The following RP1 variants were observed in gnomAD, a reference collection of about 807,000 sequenced individuals.
RP1 encodes oxygen-regulated protein 1.
Under a neutral mutation model 14.8 loss-of-function variants are expected in RP1, and 16 were observed. That is an observed-to-expected ratio of 1.08 (90% CI 0.73 to 1.65). RP1 has a LOEUF of 1.65. Among genes scored for constraint, RP1 ranks in the 40% most tolerant of loss-of-function variants. RP1 has a pLI of 0.00. For missense variants in RP1, 2,631 were observed against 2,535.0 expected (o/e 1.04, Z -0.81); for synonymous variants, 876 against 883.6 (o/e 0.99, Z 0.15).
chr8:54,681,111 T>G (rs1488099085), intron 12 of RP1, among the ~76,000 whole-genome samples: 1 of 152,198 alleles, frequency 6.6e-6, no homozygotes, highest in Non-Finnish European at 1.5e-5. Context: ...TCAGTCAAAG[T>G]GGCCCTTCAT....
intron 25 of RP1, among the ~76,000 whole-genome samples, chr8:54,849,793 G>A (rs562943858): frequency 6.6e-6 from 1 of 152,290 alleles, no homozygotes; most frequent in Admixed American, 6.5e-5. Context: ...AACATGCTGA[G>A]CTTTGATAAT....
intron 24 of RP1, among the ~76,000 whole-genome samples, chr8:54,806,961 A>G (rs1227046702): frequency 6.6e-6 from 1 of 152,258 alleles, no homozygotes; most frequent in Non-Finnish European, 1.5e-5. Context: ...CCAAAAAATT[A>G]GATTTCTAAA....
intron 1 of RP1, among the ~76,000 whole-genome samples, chr8:54,581,468 G>A (rs1428906284): frequency 2.6e-5 from 4 of 152,156 alleles, no homozygotes; most frequent in Non-Finnish European, 5.9e-5. Context: ...ATAAACATAC[G>A]TGTGCATGTG....
At position 54,666,745 on chromosome 8, in the gene RP1, T is replaced by G. The variant is rs1285925250; in HGVS notation, c.1323+2895T>G. 3.3e-5 allele frequency among the ~76,000 whole-genome samples: 5 copies of G among 151,812 alleles called. No individual in the cohort carries two copies. The East Asian group carries it at 9.7e-4, about 29-fold the overall frequency. On this transcript the variant is annotated intron_variant, in intron 7 of 22. Coordinates refer to the RP1 transcript ENST00000636932. ...CAGGGAGAAACTGGAAGTTAGATAA[T>G]TTTCCTTGCTTACTCTGCACTAAGT...
Position 54,853,698 on chromosome 8 carries a change from C to T in RP1, c.3990+970C>T, listed in dbSNP as rs147882354. Among the ~76,000 whole-genome samples the T allele has an allele frequency of 5.0e-3, 722 of 143,908 alleles. 6 individuals carry two copies. Among genetic ancestry groups the T allele is most frequent in the African/African-American group, 0.018 (680 of 37,946 alleles). The allele number at this position is 143,908 out of a possible 152,430, so 94.4% of individuals were successfully genotyped here. On this transcript the variant is annotated intron_variant, in intron 26 of 28. Coordinates refer to the RP1 transcript ENST00000637698. The stretch of plus-strand genomic sequence containing the variant: ...AGCTGAGGTAGGAGAATTGCTTGAG[C>T]CTAGCCCAACTTAGCAAGACCTCAT...
At chr8:54,682,537 T>G (rs1427776832) in intron 12 of RP1, among the ~76,000 whole-genome samples, 1 of 152,190 alleles carries the variant, frequency 6.6e-6, no homozygotes, top group African/African-American at 2.4e-5. Context: ...GCAGCACTAT[T>G]CACAGTAGCA....
rs1809577761 is a variant in RP1, at chr8:54,759,130, C to G, written c.3248+54C>G. 5 of 767,270 alleles carry G rather than the reference C, an allele frequency of 6.5e-6. No homozygotes were observed. The South Asian group carries it at 8.0e-5, about 12-fold the overall frequency. 47.5% of individuals were successfully genotyped at this position (767,270 alleles called of 1,614,324 possible). A position where few individuals can be genotyped will look rare whatever the true frequency, so the allele number is the denominator to read the frequency against. ...AGAGTATGCTGCACTGTGGATGATGCTGTGTGTGTGTGTGTGTGTGTGTGT... is the reference window on the plus strand; with the variant it reads ...AGAGTATGCTGCACTGTGGATGATGGTGTGTGTGTGTGTGTGTGTGTGTGT... On this transcript the variant is annotated intron_variant, in intron 22 of 22. Coordinates refer to the RP1 transcript ENST00000636932.
chr8:54,628,016 T>C lies in RP1; in HGVS notation c.4134T>C (p.Pro1378=), dbSNP rs1222957530. The change falls in exon 4 of 4, where the codon CCT becomes CCC. Residue 1378 remains proline (P), a synonymous_variant. Transcript: ENST00000220676. ...AAGATCTAAATATTTTGACAGACCCTGAATATAAAAATGGATTTAATACAT... is the reference window on the plus strand; with the variant it reads ...AAGATCTAAATATTTTGACAGACCCCGAATATAAAAATGGATTTAATACAT... The part of the protein sequence containing the change: ...IQKDLNILTD[P]EYKNGFNTLV... The C allele has an allele frequency of 1.2e-6, 2 of 1,614,058 alleles. No individual in the cohort carries two copies. Among genetic ancestry groups the C allele is most frequent in the Admixed American group, 3.3e-5 (2 of 60,034 alleles).
chr8:54,817,723 A>G (rs1180382253), intron 24 of RP1, among the ~76,000 whole-genome samples: 1 of 152,240 alleles, frequency 6.6e-6, no homozygotes, highest in African/African-American at 2.4e-5. Flanking sequence ...TCTTTTTGTT[A>G]AATGACTCTA....
intron 24 of RP1, among the ~76,000 whole-genome samples, chr8:54,796,707 G>A (rs1440347065): frequency 6.6e-6 from 1 of 152,130 alleles, no homozygotes; most frequent in Non-Finnish European, 1.5e-5. Flanking sequence ...AGTCTCAGAG[G>A]GAGTATGGCC....
intron 22 of RP1, among the ~76,000 whole-genome samples, chr8:54,765,103 G>A (rs1178182861): frequency 5.3e-5 from 8 of 152,228 alleles, no homozygotes. Flanking sequence ...CACACCAGCA[G>A]GCCGCATCTC....
intron 24 of RP1, among the ~76,000 whole-genome samples, chr8:54,799,055 A>G (rs1472371829): frequency 6.6e-6 from 1 of 151,972 alleles, no homozygotes; most frequent in Non-Finnish European, 1.5e-5. Flanking sequence ...AAATAATACA[A>G]TTGTGAAAAT....
chr8:54,751,653 G>A (rs902826720), intron 19 of RP1, among the ~76,000 whole-genome samples: 4 of 152,268 alleles, frequency 2.6e-5, no homozygotes, highest in South Asian at 4.1e-4. Context: ...ATCCATGTTT[G>A]TTTCACTTGC....
intron 1 of RP1, among the ~76,000 whole-genome samples, chr8:54,595,066 A>T (rs1407479595): frequency 6.6e-6 from 1 of 152,138 alleles, no homozygotes; most frequent in African/African-American, 2.4e-5. Flanking sequence ...TAAAATGAAT[A>T]ATTCCTTCTG....
intron 3 of RP1, among the ~76,000 whole-genome samples, chr8:54,645,911 C>A (rs981434782): frequency 6.6e-6 from 1 of 152,006 alleles, no homozygotes; most frequent in African/African-American, 2.4e-5. Flanking sequence ...TAAATTGAGT[C>A]TTTCCCCAAT....
chr8:54,858,054 G>C (rs2129410456), intron 27 of RP1, among the ~76,000 whole-genome samples: 1 of 152,130 alleles, frequency 6.6e-6, no homozygotes. Flanking sequence ...CATTTTCCTA[G>C]TGTCTAGTAT....
At chr8:54,642,729 A>T (rs1032067099) in intron 3 of RP1, among the ~76,000 whole-genome samples, 6 of 152,154 alleles carry the variant, frequency 3.9e-5, no homozygotes, top group Admixed American at 1.3e-4. Context: ...ATAGTAAATT[A>T]CAGGAGTAAA....
At chr8:54,849,664 C>G (rs1015562548) in intron 25 of RP1, among the ~76,000 whole-genome samples, 1 of 152,042 alleles carries the variant, frequency 6.6e-6, no homozygotes, top group Non-Finnish European at 1.5e-5. Flanking sequence ...TGAAAATAAA[C>G]CTGCAGGTGA....
chr8:54,595,251 T>G (rs1805115319), intron 1 of RP1, among the ~76,000 whole-genome samples: 1 of 151,740 alleles, frequency 6.6e-6, no homozygotes, highest in Non-Finnish European at 1.5e-5. Context: ...TGCCTCAGCC[T>G]CCCGAGTAGC....
Sources: allele counts gnomAD v4.1 joint callset (sites outside exome capture counted in the v4.1 genomes callset), GRCh38; gene constraint gnomAD v4.1.1; transcripts MANE v1.5; gene names NCBI Gene and HGNC (gene_info 2026-07-23, HGNC 2026-07-21).